Variants in SERGEF observed in about 807,000 individuals in gnomAD.
SERGEF encodes the protein secretion regulating guanine nucleotide exchange factor.
Under a neutral mutation model 50.0 loss-of-function variants are expected in SERGEF, and 51 were observed. That is an observed-to-expected ratio of 1.02 (90% CI 0.81 to 1.29). SERGEF has a LOEUF of 1.29. Among genes scored for constraint, SERGEF ranks in the 50% most tolerant of loss-of-function variants. The pLI, the probability that SERGEF is intolerant of heterozygous loss-of-function variation, is 0.00. For missense variants in SERGEF, 521 were observed against 557.0 expected (o/e 0.94, Z 0.65); for synonymous variants, 205 against 212.4 (o/e 0.97, Z 0.30).
chr11:17,994,500 T>A (rs918556844), intron 6 of SERGEF, among the ~76,000 whole-genome samples: 86 of 105,330 alleles, frequency 8.2e-4, no homozygotes, highest in Middle Eastern at 5.0e-3. Flanking sequence ...AAAAAAAAAA[T>A]TCTTAGAATT....
intron 8 of SERGEF, among the ~76,000 whole-genome samples, chr11:17,983,094 G>T (rs1407067094): frequency 6.6e-6 from 1 of 152,190 alleles, no homozygotes; most frequent in Non-Finnish European, 1.5e-5. Flanking sequence ...AGAACTCCCT[G>T]TATTTGTTCT....
chr11:17,880,524 T>C (rs1851317277), intron 9 of SERGEF, among the ~76,000 whole-genome samples: 1 of 152,212 alleles, frequency 6.6e-6, no homozygotes, highest in Non-Finnish European at 1.5e-5. Context: ...ATATGTAATA[T>C]GATCTCAACT....
chr11:17,862,738 C>A (rs948355992), intron 10 of SERGEF, among the ~76,000 whole-genome samples: 3 of 152,158 alleles, frequency 2.0e-5, no homozygotes, highest in Non-Finnish European at 4.4e-5. Flanking sequence ...TTTGCAGATA[C>A]GATGGTGCTG....
intron 8 of SERGEF, among the ~76,000 whole-genome samples, chr11:17,965,854 A>G (rs1229253333): frequency 6.6e-6 from 1 of 152,170 alleles, no homozygotes; most frequent in Non-Finnish European, 1.5e-5. Flanking sequence ...TGAGCAAACT[A>G]CTCAACAGCT....
chr11:17,992,823 T>C, intron 7 of SERGEF, 108 bp downstream of exon 7: 1 of 963,662 alleles, frequency 1.0e-6, no homozygotes, highest in Non-Finnish European at 1.6e-6. Context: ...ATCAGAATTC[T>C]AGCTCCAAAG....
At chr11:17,870,267 G>A (rs934518274) in intron 10 of SERGEF, among the ~76,000 whole-genome samples, 1 of 152,170 alleles carries the variant, frequency 6.6e-6, no homozygotes, top group Non-Finnish European at 1.5e-5. Context: ...GTTATTTACA[G>A]CAGTATGAAA....
intron 10 of SERGEF, among the ~76,000 whole-genome samples, chr11:17,865,803 T>A (rs1297857684): frequency 6.6e-6 from 1 of 152,130 alleles, no homozygotes; most frequent in Non-Finnish European, 1.5e-5. Context: ...AGAAAGAGAT[T>A]TTTTGTGTGT....
At chr11:17,883,749 T>A (rs1157863422) in intron 9 of SERGEF, among the ~76,000 whole-genome samples, 1 of 152,040 alleles carries the variant, frequency 6.6e-6, no homozygotes, top group Non-Finnish European at 1.5e-5. Context: ...AGCCCTAGAT[T>A]TATAGGACCC....
At chr11:17,851,863 C>T (rs1280057349) in intron 10 of SERGEF, among the ~76,000 whole-genome samples, 1 of 152,192 alleles carries the variant, frequency 6.6e-6, no homozygotes, top group Non-Finnish European at 1.5e-5. Flanking sequence ...CAACCCCACC[C>T]CCACTGCTTA....
At chr11:17,822,088 G>T (rs765118430) in intron 10 of SERGEF, among the ~76,000 whole-genome samples, 4 of 152,108 alleles carry the variant, frequency 2.6e-5, no homozygotes, top group Admixed American at 6.5e-5. Context: ...CAGAATCCTG[G>T]GAATGGTATT....
At chr11:17,897,061 TGA>T (rs1180589474) in intron 9 of SERGEF, among the ~76,000 whole-genome samples, 4 of 152,180 alleles carry the variant, frequency 2.6e-5, no homozygotes, top group Non-Finnish European at 5.9e-5. Flanking sequence ...CTTTAAAAGC[TGA>T]GAGTTTTCTC....
chr11:17,849,946 C>A (rs1247553461), intron 10 of SERGEF, among the ~76,000 whole-genome samples: 1 of 152,072 alleles, frequency 6.6e-6, no homozygotes, highest in Admixed American at 6.5e-5. Context: ...TTCTCCTGGT[C>A]TTTTTTTCTG....
intron 9 of SERGEF, among the ~76,000 whole-genome samples, chr11:17,915,142 T>A (rs531918242): frequency 6.8e-6 from 1 of 147,176 alleles, no homozygotes; most frequent in Non-Finnish European, 1.5e-5. Context: ...TAGATGCTCG[T>A]TGTATGAATG....
intron 4 of SERGEF, among the ~76,000 whole-genome samples, chr11:18,002,246 T>C (rs1051224606): frequency 3.3e-5 from 5 of 152,236 alleles, no homozygotes; most frequent in Non-Finnish European, 4.4e-5. Context: ...ATCCCAACTG[T>C]TGCTGCTTTA....
At chr11:17,967,362 G>A (rs1372384150) in intron 8 of SERGEF, among the ~76,000 whole-genome samples, 1 of 152,192 alleles carries the variant, frequency 6.6e-6, no homozygotes, top group Non-Finnish European at 1.5e-5. Flanking sequence ...ACTTCCTGAG[G>A]TTGTTCAGAG....
intron 9 of SERGEF, among the ~76,000 whole-genome samples, chr11:17,952,362 C>A (rs2133965129): frequency 6.6e-6 from 1 of 152,298 alleles, no homozygotes; most frequent in South Asian, 2.1e-4. Context: ...ACTCTCTTCT[C>A]CACCTCAAAA....
At chr11:17,891,783 GCTACTACC>G (rs1031603462) in intron 9 of SERGEF, among the ~76,000 whole-genome samples, 33 of 152,298 alleles carry the variant, frequency 2.2e-4, no homozygotes, top group African/African-American at 7.5e-4. Context: ...AAGGTGGTGA[GCTACTACC>G]CACTATGGGA....
chr11:17,934,983 T>C (rs1852423789), intron 9 of SERGEF, among the ~76,000 whole-genome samples: 1 of 152,136 alleles, frequency 6.6e-6, no homozygotes, highest in Non-Finnish European at 1.5e-5. Flanking sequence ...CTAAGTCCTA[T>C]AGGGCCCTAG....
intron 10 of SERGEF, among the ~76,000 whole-genome samples, chr11:17,804,763 C>CT (rs1251065696): frequency 6.6e-6 from 1 of 152,204 alleles, no homozygotes; most frequent in Non-Finnish European, 1.5e-5. Context: ...AGTGGTATAT[C>CT]TAACTATCTC....
Sources: allele counts gnomAD v4.1 joint callset (sites outside exome capture counted in the v4.1 genomes callset), GRCh38; gene constraint gnomAD v4.1.1; transcripts MANE v1.5; gene names NCBI Gene and HGNC (gene_info 2026-07-23, HGNC 2026-07-21).